LIPG: variants seen among roughly 807,000 people sequenced by gnomAD.
The protein encoded by LIPG is endothelial lipase.
In LIPG, 34 loss-of-function variants were observed where a neutral mutation model predicts 51.8. The ratio of observed to expected loss-of-function variants is 0.66; its 90% CI spans 0.50 to 0.87. The LOEUF (loss-of-function observed/expected upper bound fraction) is 0.87. Ranked by LOEUF, LIPG falls within the 40% of genes least tolerant of loss-of-function variation. The pLI is 0.00. For synonymous variants in LIPG, 246 were observed against 246.1 expected (o/e 1.00, Z 0.00); for missense variants, 580 against 652.7 (o/e 0.89, Z 1.21).
intron 8 of LIPG, among the ~76,000 whole-genome samples, chr18:49,584,577 C>G (rs1568536452): frequency 6.6e-6 from 1 of 152,352 alleles, no homozygotes; most frequent in South Asian, 2.1e-4. Flanking sequence ...CTCTTTGTCC[C>G]TCCTCTGGCA....
chr18:49,561,854 C>T (rs758875121), upstream of LIPG: 5 of 1,262,784 alleles, frequency 4.0e-6, no homozygotes, highest in South Asian at 3.5e-5. Flanking sequence ...GGAGCGGGCC[C>T]GGGAGGAAGC....
chr18:49,565,495 G>T lies in LIPG; in HGVS notation c.276G>T (p.Trp92Cys). Residue 92 changes from tryptophan to cysteine, a missense_variant, in exon 2 of 10, where the codon TGG becomes TGT. By Grantham distance (215) the Trp-to-Cys change is radical (BLOSUM62 -2). Coordinates refer to ENST00000261292, the MANE Select transcript of LIPG (RefSeq NM_006033.4). ...AAACCTTTTTCATCATTCACGGATG[G>T]ACGGTGAGCCCGGGGAGGGAGCTCT... Reference protein sequence around the residue: ...TAKTFFIIHGWTMSGIFENWL... With the variant: ...TAKTFFIIHGCTMSGIFENWL... The T allele has an allele frequency of 6.2e-7, 1 of 1,614,214 alleles. No individual in the cohort carries two copies. The highest frequency in any genetic ancestry group is 8.5e-7 in the Non-Finnish European group (1 of 1,180,020).
intron 2 of LIPG, 68 bp downstream of exon 2, chr18:49,565,566 A>C (rs1568526015): frequency 6.4e-7 from 1 of 1,563,470 alleles, no homozygotes; most frequent in Non-Finnish European, 8.8e-7. Flanking sequence ...GTCAATTAGA[A>C]AGAATTCTGG....
upstream of LIPG, chr18:49,561,877 G>A (rs1959920974): frequency 7.8e-7 from 1 of 1,274,804 alleles, no homozygotes; most frequent in Non-Finnish European, 9.9e-7. Flanking sequence ...GGCCGAGCGT[G>A]CGGCGTCCAC....
chr18:49,570,040 C>A (rs2084647211), intron 4 of LIPG, among the ~76,000 whole-genome samples: 1 of 152,232 alleles, frequency 6.6e-6, no homozygotes, highest in African/African-American at 2.4e-5. Flanking sequence ...CCCAAGGACT[C>A]AGGGGAAAAG....
chr18:49,569,496 C>G lies in LIPG; in HGVS notation c.519C>G (p.His173Gln). ...TGATCGGCTACAGCCTCGGAGCGCA[C>G]GTGGCCGGGTATGCAGGCAACTTCG... is the stretch of plus-strand genomic sequence containing the variant. ...VHLIGYSLGA[H>Q]VAGYAGNFVK... is the part of the protein sequence containing the mutation. The change falls in exon 4 of 10, where the codon CAC becomes CAG. Residue 173 changes from histidine to glutamine, a missense_variant. Transcript: ENST00000261292. The G allele has an allele frequency of 6.2e-7, 1 of 1,614,186 alleles. No individual in the cohort carries two copies. The highest frequency in any genetic ancestry group is 1.1e-5 in the South Asian group (1 of 91,078).
At chr18:49,565,024 G>T (rs1015377365) in intron 1 of LIPG, among the ~76,000 whole-genome samples, 5 of 152,212 alleles carry the variant, frequency 3.3e-5, no homozygotes, top group African/African-American at 1.2e-4. Flanking sequence ...GAAGGAAGTA[G>T]AACTCCTTTT....
At chr18:49,579,870 A>G (rs563626283) in intron 5 of LIPG, among the ~76,000 whole-genome samples, 1 of 147,688 alleles carries the variant, frequency 6.8e-6, no homozygotes, top group African/African-American at 2.5e-5. Flanking sequence ...CTGGAGTGCA[A>G]TGGTGTGATC....
At chr18:49,577,997 C>T (rs370142213) in intron 5 of LIPG, among the ~76,000 whole-genome samples, 114 of 133,038 alleles carry the variant, frequency 8.6e-4, no homozygotes, top group Middle Eastern at 5.5e-3. Flanking sequence ...CCCTCCCGGA[C>T]GGCACGGCTG....
At chr18:49,574,579 G>A (rs779167566) in intron 4 of LIPG, among the ~76,000 whole-genome samples, 10 of 152,158 alleles carry the variant, frequency 6.6e-5, no homozygotes, top group Admixed American at 3.3e-4. Context: ...CAACGCACAC[G>A]CATACAGGTA....
chr18:49,561,801 G>A, upstream of LIPG: 1 of 1,256,928 alleles, frequency 8.0e-7, no homozygotes, highest in Non-Finnish European at 1.0e-6. Flanking sequence ...CCGGAGGAGG[G>A]CAGTGGGAGA....
At position 49,598,384 on chromosome 18, in the gene LIPG, G is replaced by GTTTTGTAGAGATGTAGA. The variant is rs1323250731; in HGVS notation, c.*7862_*7863insTTTTGTAGAGATGTAGA. 23 of 152,302 alleles carry GTTTTGTAGAGATGTAGA rather than the reference G, an allele frequency of 1.5e-4. No individual in the cohort carries two copies. The allele number at this position is 152,302 out of a possible 1,614,324, so 9.4% of individuals were successfully genotyped here. On this transcript the variant is annotated 3_prime_UTR_variant, in exon 10 of 10. Transcript: ENST00000261292. ...TACATTTTGAATTTTTTGTAGAGAT[G>GTTTTGTAGAGATGTAGA]GGGTTTTGCCATGTTGCTCAGGTTG...
chr18:49,565,064 GAGAT>G (rs2084588107), intron 1 of LIPG, among the ~76,000 whole-genome samples: 1 of 152,222 alleles, frequency 6.6e-6, no homozygotes. Flanking sequence ...ATGCAAGAGA[GAGAT>G]CTATTTATTT....
intron 9 of LIPG, 67 bp downstream of exon 9, chr18:49,586,917 G>A: frequency 2.6e-6 from 3 of 1,159,964 alleles, no homozygotes; most frequent in Non-Finnish European, 3.9e-6. Context: ...AGCATGTGCT[G>A]GGGATGGATC....
At chr18:49,568,167 C>T (rs1311245941) in intron 3 of LIPG, among the ~76,000 whole-genome samples, 1 of 151,778 alleles carries the variant, frequency 6.6e-6, no homozygotes, top group Non-Finnish European at 1.5e-5. Flanking sequence ...GTAACTGAAA[C>T]TACAGGCCTG....
intron 1 of LIPG, 52 bp from the exon 2 acceptor site, chr18:49,565,265 T>C (rs2084590268): frequency 6.3e-7 from 1 of 1,583,602 alleles, no homozygotes. Flanking sequence ...ACCCCAGGTC[T>C]CTCACTCCGC....
chr18:49,566,968 T>C (rs534873313), intron 2 of LIPG, among the ~76,000 whole-genome samples: 1 of 152,306 alleles, frequency 6.6e-6, no homozygotes, highest in African/African-American at 2.4e-5. Context: ...AATACCTGCG[T>C]AGTGATTCTG....
At chr18:49,579,749 C>CTTTCCT (rs1568533390) in intron 5 of LIPG, among the ~76,000 whole-genome samples, 1 of 124,128 alleles carries the variant, frequency 8.1e-6, no homozygotes, top group African/African-American at 3.9e-5. Context: ...CCTTTCTTTC[C>CTTTCCT]TTTCCTTTCC....
Position 49,575,450 on chromosome 18 carries a change from T to C in LIPG, c.653T>C (p.Val218Ala). 6.2e-7 allele frequency: 1 copy of C among 1,614,186 alleles called. No homozygotes were observed. Among genetic ancestry groups the C allele is most frequent in the Non-Finnish European group, 8.5e-7 (1 of 1,180,038 alleles). The change falls in exon 5 of 10, where the codon GTC (valine) becomes GCC (alanine). Residue 218 changes from valine (V) to alanine (A), a missense_variant. By Grantham distance (64) the Val-to-Ala change is moderately conservative (BLOSUM62 0). Coordinates refer to ENST00000261292, the MANE Select transcript of LIPG (RefSeq NM_006033.4). ...LSPDDADFVDVLHTYTRSFGL... is the reference protein window; with the variant it reads ...LSPDDADFVDALHTYTRSFGL... The stretch of plus-strand genomic sequence containing the variant: ...CCGGACGATGCAGATTTTGTGGATG[T>C]CCTCCACACCTACACGCGTTCCTTC...
Sources: gnomAD v4.1 joint callset for allele counts (sites outside exome capture counted in the v4.1 genomes callset) on GRCh38, gnomAD v4.1.1 for gene constraint, MANE v1.5 for transcripts, NCBI Gene and HGNC (gene_info 2026-07-23, HGNC 2026-07-21) for gene names.